SH2D4A: variants seen among roughly 807,000 people sequenced by gnomAD.
SH2D4A encodes the protein SH2 domain-containing protein 4A.
In SH2D4A, 70 loss-of-function variants were observed where a neutral mutation model predicts 64.7. The observed-to-expected ratio is 1.08, with a 90% CI of 0.89 to 1.32. The LOEUF is 1.32. Ranked by LOEUF, SH2D4A falls within the 40% of genes most tolerant of loss-of-function variation. The pLI is 0.00. For synonymous variants in SH2D4A, 268 were observed against 200.7 expected (o/e 1.34, Z -2.83); for missense variants, 706 against 540.1 (o/e 1.31, Z -3.04).
intron 4 of SH2D4A, among the ~76,000 whole-genome samples, chr8:19,351,589 T>C (rs1386602496): frequency 6.6e-6 from 1 of 151,260 alleles, no homozygotes; most frequent in Non-Finnish European, 1.5e-5. Context: ...GGCAACAGAG[T>C]GAGACTCTGA....
intron 5 of SH2D4A, among the ~76,000 whole-genome samples, chr8:19,358,985 T>A (rs1169931690): frequency 6.6e-6 from 1 of 152,236 alleles, no homozygotes; most frequent in Non-Finnish European, 1.5e-5. Context: ...GATTTCCCCA[T>A]GCCTGGCTGA....
chr8:19,380,796 T>G (rs1348169138), intron 8 of SH2D4A, among the ~76,000 whole-genome samples: 1 of 152,218 alleles, frequency 6.6e-6, no homozygotes, highest in Non-Finnish European at 1.5e-5. Flanking sequence ...AGTTTTGAAA[T>G]GAGTATGTGT....
Position 19,321,309 on chromosome 8 carries a change from G to A in SH2D4A, c.181+1581G>A, listed in dbSNP as rs182222600. Among the ~76,000 whole-genome samples the A allele has an allele frequency of 2.1e-3, 323 of 152,278 alleles. 2 individuals carry two copies. The highest frequency in any genetic ancestry group is 3.7e-3 in the Non-Finnish European group (250 of 68,032). ...GCTCAATGCAACCTTCGTCTCCCGG[G>A]TTCAAGCAATTCTCCTGCCTCAGCC... On this transcript the variant is annotated intron_variant, in intron 2 of 9. Transcript: ENST00000265807.
At chr8:19,321,881 G>A (rs1395738060) in intron 2 of SH2D4A, among the ~76,000 whole-genome samples, 1 of 152,160 alleles carries the variant, frequency 6.6e-6, no homozygotes, top group Admixed American at 6.5e-5. Context: ...TGGTCTCCTT[G>A]TGATGACTTA....
intron 4 of SH2D4A, among the ~76,000 whole-genome samples, chr8:19,345,102 G>T (rs1057137394): frequency 1.3e-5 from 2 of 152,164 alleles, no homozygotes; most frequent in African/African-American, 4.8e-5. Flanking sequence ...TAAAATGAGA[G>T]ACTTTTAAAT....
At chr8:19,327,450 T>C (rs1047482789) in intron 2 of SH2D4A, among the ~76,000 whole-genome samples, 1 of 152,170 alleles carries the variant, frequency 6.6e-6, no homozygotes, top group African/African-American at 2.4e-5. Context: ...GAAAGCACAC[T>C]TAAGGAAGTA....
intron 8 of SH2D4A, among the ~76,000 whole-genome samples, chr8:19,386,046 G>A (rs968938335): frequency 1.7e-4 from 26 of 152,168 alleles, no homozygotes; most frequent in African/African-American, 6.3e-4. Flanking sequence ...ATTTTATGGC[G>A]TGGAGAGGCT....
chr8:19,357,911 C>T (rs929471945), intron 5 of SH2D4A, among the ~76,000 whole-genome samples: 1 of 151,920 alleles, frequency 6.6e-6, no homozygotes, highest in Non-Finnish European at 1.5e-5. Flanking sequence ...AAGATGTGAG[C>T]CTGTGAAGAG....
chr8:19,332,691 CAAAAAAAA>C (rs58695585), intron 2 of SH2D4A, among the ~76,000 whole-genome samples: 57 of 81,716 alleles, frequency 7.0e-4, no homozygotes, highest in East Asian at 1.3e-3. Context: ...GTGAGACTGT[CAAAAAAAA>C]AAAAAAAAAA....
intron 4 of SH2D4A, among the ~76,000 whole-genome samples, chr8:19,355,295 G>A (rs569052421): frequency 2.0e-5 from 3 of 152,184 alleles, no homozygotes; most frequent in African/African-American, 4.8e-5. Flanking sequence ...TCCTGGTGGT[G>A]GAAATGCACT....
intron 2 of SH2D4A, among the ~76,000 whole-genome samples, chr8:19,327,811 C>T (rs2052304812): frequency 6.6e-6 from 1 of 152,156 alleles, no homozygotes; most frequent in African/African-American, 2.4e-5. Context: ...CAATAAACGC[C>T]AGAGCACACG....
intron 8 of SH2D4A, among the ~76,000 whole-genome samples, chr8:19,385,714 C>T (rs2053378504): frequency 1.3e-5 from 2 of 152,146 alleles, no homozygotes; most frequent in South Asian, 4.1e-4. Context: ...CCAGATACCA[C>T]CCCCAACAGA....
intron 6 of SH2D4A, among the ~76,000 whole-genome samples, chr8:19,363,299 G>C (rs1006396850): frequency 1.3e-5 from 2 of 151,926 alleles, no homozygotes; most frequent in African/African-American, 4.8e-5. Context: ...CTAGTCTCAA[G>C]CTCCTGACCT....
intron 8 of SH2D4A, among the ~76,000 whole-genome samples, chr8:19,384,244 G>A (rs938801394): frequency 1.3e-5 from 2 of 152,126 alleles, no homozygotes; most frequent in African/African-American, 4.8e-5. Flanking sequence ...CTCACCAACA[G>A]AGAATGAAGT....
intron 4 of SH2D4A, among the ~76,000 whole-genome samples, chr8:19,346,832 G>T (rs1267932833): frequency 6.6e-6 from 1 of 152,112 alleles, no homozygotes; most frequent in Non-Finnish European, 1.5e-5. Flanking sequence ...ACAGGATGCC[G>T]TTCTCTCACC....
intron 8 of SH2D4A, 76 bp from the exon 9 acceptor site, chr8:19,393,242 A>G (rs2053523081): frequency 1.5e-6 from 2 of 1,339,148 alleles, no homozygotes; most frequent in East Asian, 2.3e-5. Flanking sequence ...CTCTATATCC[A>G]TGCAGCTGGA....
chr8:19,371,276 C>T (rs1359112532), intron 7 of SH2D4A, among the ~76,000 whole-genome samples: 1 of 152,114 alleles, frequency 6.6e-6, no homozygotes, highest in Non-Finnish European at 1.5e-5. Context: ...TAAATTCCCT[C>T]AGCTTTTGTT....
At chr8:19,362,278 C>T (rs2153648388) in intron 6 of SH2D4A, among the ~76,000 whole-genome samples, 1 of 152,330 alleles carries the variant, frequency 6.6e-6, no homozygotes, top group East Asian at 1.9e-4. Flanking sequence ...TTTTGGGTGT[C>T]TCTTTGAAGT....
Position 19,394,531 on chromosome 8 carries a change from C to A in SH2D4A, c.1273-19C>A, listed in dbSNP as rs369770367. ...GGTCACTACTTACACTATCTGACCCCGTGCCTTCTGATTGACAGGAGGAAC... is the reference window on the plus strand; with the variant it reads ...GGTCACTACTTACACTATCTGACCCAGTGCCTTCTGATTGACAGGAGGAAC... On this transcript the variant is annotated intron_variant, in intron 9 of 9. Coordinates refer to ENST00000265807, the MANE Select transcript of SH2D4A (RefSeq NM_022071.4). 31 of 1,577,778 alleles carry A rather than the reference C, an allele frequency of 2.0e-5. No individual in the cohort carries two copies. The highest frequency in any genetic ancestry group is 6.9e-5 in the Admixed American group (4 of 58,348).
Sources: gnomAD v4.1 joint callset for allele counts (sites outside exome capture counted in the v4.1 genomes callset) on GRCh38, gnomAD v4.1.1 for gene constraint, MANE v1.5 for transcripts, NCBI Gene and HGNC (gene_info 2026-07-23, HGNC 2026-07-21) for gene names.